NCAM2: variants seen among roughly 807,000 people sequenced by gnomAD.
NCAM2 encodes the protein neural cell adhesion molecule 2, also known as N-CAM-2.
Under a neutral mutation model 98.1 loss-of-function variants are expected in NCAM2, and 30 were observed. That is an observed-to-expected ratio of 0.31 (90% CI 0.23 to 0.41). NCAM2 has a LOEUF of 0.41. Among genes scored for constraint, NCAM2 ranks in the 10% least tolerant of loss-of-function variants. The pLI, the probability that NCAM2 is intolerant of heterozygous loss-of-function variation, is 1.00. For synonymous variants in NCAM2, 368 were observed against 342.4 expected (o/e 1.07, Z -0.83); for missense variants, 867 against 1,005.8 (o/e 0.86, Z 1.87).
intron 1 of NCAM2, among the ~76,000 whole-genome samples, chr21:21,215,978 A>T (rs942014573): frequency 2.0e-5 from 3 of 152,204 alleles, no homozygotes; most frequent in Non-Finnish European, 2.9e-5. Flanking sequence ...ATATTCTTTT[A>T]TAACTGAAAT....
At chr21:21,421,077 C>G (rs1373561013) in intron 11 of NCAM2, among the ~76,000 whole-genome samples, 3 of 151,372 alleles carry the variant, frequency 2.0e-5, no homozygotes, top group African/African-American at 7.3e-5. Flanking sequence ...TGTATATTGC[C>G]ATTTCGTAAA....
intron 5 of NCAM2, among the ~76,000 whole-genome samples, chr21:21,294,520 A>C (rs1027554324): frequency 1.5e-4 from 23 of 151,844 alleles, no homozygotes; most frequent in African/African-American, 5.6e-4. Context: ...TTCTAATATG[A>C]ACATCTTTGC....
At chr21:21,174,124 T>G (rs2146864165) in intron 1 of NCAM2, among the ~76,000 whole-genome samples, 1 of 152,248 alleles carries the variant, frequency 6.6e-6, no homozygotes, top group East Asian at 1.9e-4. Context: ...TTCACCATGT[T>G]GGCCAAGCTG....
intron 8 of NCAM2, among the ~76,000 whole-genome samples, chr21:21,354,301 C>T (rs891147924): frequency 6.6e-6 from 1 of 152,122 alleles, no homozygotes; most frequent in South Asian, 2.1e-4. Flanking sequence ...TTATAACTAT[C>T]TTAAGGCAGC....
At chr21:21,191,931 C>T (rs2068836216) in intron 1 of NCAM2, among the ~76,000 whole-genome samples, 1 of 151,898 alleles carries the variant, frequency 6.6e-6, no homozygotes, top group Non-Finnish European at 1.5e-5. Flanking sequence ...TATTTAAAAC[C>T]TGAAGAGAGG....
intron 14 of NCAM2, among the ~76,000 whole-genome samples, chr21:21,471,428 T>C (rs547132636): frequency 6.6e-6 from 1 of 152,144 alleles, no homozygotes; most frequent in South Asian, 2.1e-4. Context: ...CATCTATTAG[T>C]TTCTCAAACC....
intron 16 of NCAM2, among the ~76,000 whole-genome samples, chr21:21,519,678 C>T (rs952607518): frequency 2.0e-5 from 3 of 152,022 alleles, no homozygotes; most frequent in African/African-American, 7.2e-5. Context: ...TATTATTGAT[C>T]ACACAATTTT....
chr21:21,089,602 T>G (rs1418455328), intron 1 of NCAM2, among the ~76,000 whole-genome samples: 1 of 152,198 alleles, frequency 6.6e-6, no homozygotes, highest in South Asian at 2.1e-4. Flanking sequence ...TGAGCCTGTG[T>G]GTGCCTGACA....
intron 10 of NCAM2, among the ~76,000 whole-genome samples, chr21:21,416,227 G>A (rs1327630730): frequency 1.3e-5 from 2 of 152,168 alleles, no homozygotes; most frequent in African/African-American, 4.8e-5. Flanking sequence ...ATGAGGGTAC[G>A]GCCAGTCAGT....
intron 9 of NCAM2, among the ~76,000 whole-genome samples, chr21:21,407,085 T>C (rs2076754121): frequency 6.6e-6 from 1 of 152,188 alleles, no homozygotes; most frequent in South Asian, 2.1e-4. Context: ...ATGACTATTT[T>C]TGGTACACCA....
intron 3 of NCAM2, among the ~76,000 whole-genome samples, chr21:21,285,364 A>G (rs2147523077): frequency 6.6e-6 from 1 of 151,918 alleles, no homozygotes; most frequent in South Asian, 2.1e-4. Flanking sequence ...TTTGATGACC[A>G]ACGCAATTTG....
chr21:21,425,933 T>C (rs187384976), intron 11 of NCAM2, among the ~76,000 whole-genome samples: 2 of 152,290 alleles, frequency 1.3e-5, no homozygotes, highest in African/African-American at 2.4e-5. Flanking sequence ...AATATATTGC[T>C]TACAGTTCTA....
At chr21:21,251,388 A>T (rs556583821) in intron 1 of NCAM2, among the ~76,000 whole-genome samples, 6 of 150,544 alleles carry the variant, frequency 4.0e-5, no homozygotes, top group Non-Finnish European at 8.8e-5. Flanking sequence ...GCTCCCACTT[A>T]TGAGTGAGAA....
intron 1 of NCAM2, among the ~76,000 whole-genome samples, chr21:21,012,165 T>A (rs1490870004): frequency 6.6e-6 from 1 of 152,160 alleles, no homozygotes; most frequent in Non-Finnish European, 1.5e-5. Flanking sequence ...AACGAGTAAC[T>A]CTTTTAGAGA....
intron 11 of NCAM2, among the ~76,000 whole-genome samples, chr21:21,429,284 G>T (rs2077279210): frequency 6.6e-6 from 1 of 152,198 alleles, no homozygotes; most frequent in African/African-American, 2.4e-5. Context: ...GGTGCACCAT[G>T]TCAGGGTGCA....
At chr21:21,203,201 C>T (rs56290749) in intron 1 of NCAM2, among the ~76,000 whole-genome samples, 3,371 of 152,268 alleles carry the variant, frequency 0.022, 117 homozygotes, top group African/African-American at 0.077. Flanking sequence ...ATATGAAGGA[C>T]TCCCGTGTAA....
At chr21:21,175,738 A>G (rs930383302) in intron 1 of NCAM2, among the ~76,000 whole-genome samples, 5 of 152,170 alleles carry the variant, frequency 3.3e-5, no homozygotes, top group African/African-American at 1.2e-4. Flanking sequence ...ATTTATTCAG[A>G]GAAGGAAGCC....
chr21:21,114,690 C>T (rs1324218890), intron 1 of NCAM2, among the ~76,000 whole-genome samples: 4 of 152,160 alleles, frequency 2.6e-5, no homozygotes, highest in Non-Finnish European at 4.4e-5. Flanking sequence ...TTTTGGGGCC[C>T]TGTGGGGAAC....
intron 5 of NCAM2, among the ~76,000 whole-genome samples, chr21:21,303,512 C>T (rs2073788291): frequency 1.3e-5 from 2 of 151,954 alleles, no homozygotes; most frequent in African/African-American, 4.8e-5. Context: ...AATTTTCTTA[C>T]CCATTCACCA....
Sources: gnomAD v4.1 joint callset for allele counts (sites outside exome capture counted in the v4.1 genomes callset) on GRCh38, gnomAD v4.1.1 for gene constraint, MANE v1.5 for transcripts, NCBI Gene and HGNC (gene_info 2026-07-23, HGNC 2026-07-21) for gene names.